The following INTU variants were observed in gnomAD, a reference collection of about 807,000 sequenced individuals.
INTU encodes the protein protein inturned.
INTU carries 68 observed loss-of-function variants against 100.5 expected under a neutral mutation model. That is an observed-to-expected ratio of 0.68 (90% CI 0.56 to 0.83). The LOEUF (loss-of-function observed/expected upper bound fraction) is 0.83. Ranked by LOEUF, INTU falls within the 40% of genes least tolerant of loss-of-function variation. The pLI is 0.00. For missense variants in INTU, 1,071 were observed against 1,114.7 expected (o/e 0.96, Z 0.56); for synonymous variants, 357 against 395.7 (o/e 0.90, Z 1.16).
intron 2 of INTU, among the ~76,000 whole-genome samples, chr4:127,651,534 A>G (rs1251885296): frequency 7.0e-6 from 1 of 142,532 alleles, no homozygotes; most frequent in African/African-American, 2.6e-5. Flanking sequence ...GTTGTAGATA[A>G]GCGGCGTTAT....
At chr4:127,643,437 C>T in intron 1 of INTU, 84 bp from the exon 2 acceptor site, 1 of 1,111,064 alleles carries the variant, frequency 9.0e-7, no homozygotes, top group Non-Finnish European at 1.3e-6. Context: ...TCCCCAGCCC[C>T]AACCCTCACC....
chr4:127,676,322 A>G (rs1011170713), intron 6 of INTU, among the ~76,000 whole-genome samples: 1 of 152,176 alleles, frequency 6.6e-6, no homozygotes, highest in Admixed American at 6.5e-5. Context: ...GCAGTGGCTC[A>G]CACCTATAAT....
rs771065676 is a variant in INTU, at chr4:127,643,709, A to C, written c.335A>C (p.Lys112Thr). The change falls in exon 2 of 16, where the codon AAG becomes ACG. Residue 112 changes from lysine to threonine, a missense_variant. By Grantham distance (78) the Lys-to-Thr change is moderately conservative (BLOSUM62 -1). Coordinates refer to ENST00000335251, the MANE Select transcript of INTU (RefSeq NM_015693.4). ...AGAAAAAAGTATGAACCCAAACTCA[A>C]GCAGTTTACCAAAATTTTAAGAAGG... ...KERKKYEPKLKQFTKILRRKR... is the reference protein window; with the variant it reads ...KERKKYEPKLTQFTKILRRKR... 2 of 1,609,438 alleles carry C rather than the reference A, an allele frequency of 1.2e-6. No homozygotes were observed. Among genetic ancestry groups the C allele is most frequent in the South Asian group, 2.2e-5 (2 of 90,092 alleles).
intron 6 of INTU, among the ~76,000 whole-genome samples, chr4:127,677,134 G>A (rs1332526584): frequency 1.3e-5 from 2 of 152,206 alleles, no homozygotes; most frequent in Non-Finnish European, 2.9e-5. Context: ...AGCTCAAGGA[G>A]GCCTGCCTGC....
At chr4:127,702,277 C>T (rs1040619103) in intron 9 of INTU, among the ~76,000 whole-genome samples, 2 of 152,164 alleles carry the variant, frequency 1.3e-5, no homozygotes, top group East Asian at 3.9e-4. Flanking sequence ...CTTTGGAAGA[C>T]AGTTTGGCAA....
At chr4:127,658,337 G>GATGGT (rs1179006001) in intron 3 of INTU, among the ~76,000 whole-genome samples, 1 of 118,462 alleles carries the variant, frequency 8.4e-6, no homozygotes, top group Non-Finnish European at 1.9e-5. Context: ...ATGGAGATGG[G>GATGGT]GTGGTGTTTG....
At chr4:127,649,000 C>T (rs907984519) in intron 2 of INTU, among the ~76,000 whole-genome samples, 4 of 152,058 alleles carry the variant, frequency 2.6e-5, no homozygotes, top group African/African-American at 9.7e-5. Context: ...CTAGTTCAAG[C>T]CTTCACAGTT....
intron 7 of INTU, 37 bp downstream of exon 7, chr4:127,684,523 T>G: frequency 2.5e-6 from 3 of 1,179,292 alleles, no homozygotes; most frequent in Non-Finnish European, 3.7e-6. Flanking sequence ...AAGTTTTAAT[T>G]ATGTGATTCT....
intron 8 of INTU, among the ~76,000 whole-genome samples, chr4:127,691,758 C>G (rs1730138778): frequency 6.6e-6 from 1 of 151,678 alleles, no homozygotes; most frequent in Non-Finnish European, 1.5e-5. Flanking sequence ...TGCTCTTTCC[C>G]CCAAGTTCCC....
chr4:127,656,238 G>A (rs1560838451), intron 2 of INTU, among the ~76,000 whole-genome samples: 1 of 152,134 alleles, frequency 6.6e-6, no homozygotes, highest in Non-Finnish European at 1.5e-5. Flanking sequence ...TGGCCATCTT[G>A]GCTCCTCTGT....
chr4:127,702,697 C>A (rs1730700630), intron 9 of INTU, among the ~76,000 whole-genome samples: 1 of 152,068 alleles, frequency 6.6e-6, no homozygotes, highest in Non-Finnish European at 1.5e-5. Flanking sequence ...AAGATTTAAT[C>A]TTATATCCTA....
intron 4 of INTU, among the ~76,000 whole-genome samples, chr4:127,665,986 TTTTGACC>T (rs1728680630): frequency 6.6e-6 from 1 of 152,170 alleles, no homozygotes; most frequent in Non-Finnish European, 1.5e-5. Context: ...TCCCTTTGTC[TTTTGACC>T]TCTATTATTG....
At chr4:127,669,615 G>C (rs1465986103) in intron 5 of INTU, among the ~76,000 whole-genome samples, 1 of 151,742 alleles carries the variant, frequency 6.6e-6, no homozygotes, top group Non-Finnish European at 1.5e-5. Flanking sequence ...ACGAAAATTG[G>C]TCATATAGTT....
At chr4:127,671,245 A>G (rs1232797491) in intron 5 of INTU, among the ~76,000 whole-genome samples, 1 of 152,104 alleles carries the variant, frequency 6.6e-6, no homozygotes, top group Non-Finnish European at 1.5e-5. Context: ...GAATCTATAT[A>G]AGGAACTCAG....
At chr4:127,641,140 T>C (rs1451963314) in intron 1 of INTU, among the ~76,000 whole-genome samples, 4 of 152,166 alleles carry the variant, frequency 2.6e-5, no homozygotes, top group Non-Finnish European at 5.9e-5. Flanking sequence ...CTTCAGCTAC[T>C]GAAACAGCCC....
chr4:127,676,844 GT>G (rs1173020254), intron 6 of INTU, among the ~76,000 whole-genome samples: 1 of 152,160 alleles, frequency 6.6e-6, no homozygotes, highest in African/African-American at 2.4e-5. Flanking sequence ...CCCTTTCCTA[GT>G]CAAAGAAAGG....
At chr4:127,697,878 T>C (rs374935188) in intron 8 of INTU, among the ~76,000 whole-genome samples, 2 of 152,170 alleles carry the variant, frequency 1.3e-5, no homozygotes, top group East Asian at 3.9e-4. Flanking sequence ...CCAAGCACTT[T>C]GGTAGGCTGA....
At chr4:127,693,356 T>C (rs997509066) in intron 8 of INTU, among the ~76,000 whole-genome samples, 3 of 152,158 alleles carry the variant, frequency 2.0e-5, no homozygotes, top group Non-Finnish European at 4.4e-5. Flanking sequence ...GGTTGAGTTC[T>C]TGATTTGATT....
chr4:127,704,413 T>C, intron 10 of INTU, 123 bp downstream of exon 10: 1 of 744,880 alleles, frequency 1.3e-6, no homozygotes, highest in Non-Finnish European at 2.2e-6. Context: ...ACCATAAGAT[T>C]AAGAGCTTTC....
Sources: gnomAD v4.1 joint callset for allele counts (sites outside exome capture counted in the v4.1 genomes callset) on GRCh38, gnomAD v4.1.1 for gene constraint, MANE v1.5 for transcripts, NCBI Gene and HGNC (gene_info 2026-07-23, HGNC 2026-07-21) for gene names.